IL1RL2: variants seen among roughly 807,000 people sequenced by gnomAD.
IL1RL2 encodes interleukin-1 receptor-like 2.
Under a neutral mutation model 66.8 loss-of-function variants are expected in IL1RL2, and 68 were observed. That is an observed-to-expected ratio of 1.02 (90% CI 0.84 to 1.25). IL1RL2 has a LOEUF of 1.25. IL1RL2 is among the 50% of genes most tolerant of loss of function. The pLI is 0.00. For synonymous variants in IL1RL2, 305 were observed against 264.6 expected (o/e 1.15, Z -1.48); for missense variants, 729 against 709.3 (o/e 1.03, Z -0.32).
intron 9 of IL1RL2, among the ~76,000 whole-genome samples, chr2:102,232,755 T>A (rs1346397206): frequency 6.6e-6 from 1 of 152,100 alleles, no homozygotes; most frequent in Non-Finnish European, 1.5e-5. Flanking sequence ...TCTTGAGCAT[T>A]GGGGATAAGA....
At chr2:102,210,477 A>G (rs1476574675) in intron 5 of IL1RL2, among the ~76,000 whole-genome samples, 1 of 152,238 alleles carries the variant, frequency 6.6e-6, no homozygotes. Context: ...AGAATGATCC[A>G]TTCCAGGGTG....
chr2:102,207,608 G>A (rs2310237), intron 5 of IL1RL2, among the ~76,000 whole-genome samples: 42,632 of 151,914 alleles, frequency 0.28, 6,613 homozygotes, highest in East Asian at 0.39. Context: ...TGGCATCCAA[G>A]ATGCAAGTGA....
At chr2:102,219,165 T>C (rs1475722798) in intron 7 of IL1RL2, 83 bp downstream of exon 7, 2 of 1,475,708 alleles carry the variant, frequency 1.4e-6, no homozygotes, top group Non-Finnish European at 1.9e-6. Flanking sequence ...TACTGCCTTC[T>C]CCTCTTGTTT....
chr2:102,195,629 C>CTG (rs1379287788), intron 4 of IL1RL2, among the ~76,000 whole-genome samples: 1 of 17,322 alleles, frequency 5.8e-5, no homozygotes, highest in African/African-American at 1.3e-4. Flanking sequence ...TTCTTTCTTT[C>CTG]TCTCTCTCTC....
chr2:102,188,136 A>T (rs114548997), intron 2 of IL1RL2, among the ~76,000 whole-genome samples: 2,335 of 152,338 alleles, frequency 0.015, 30 homozygotes, highest in East Asian at 0.061. Context: ...CTTGGAGGTG[A>T]CTTCGGGGAG....
In IL1RL2 at chr2:102,212,117, G is replaced by A. The variant is rs1689221715; in HGVS notation, c.667G>A (p.Gly223Arg). The change falls in exon 6 of 12, where the codon GGA becomes AGA. Residue 223 changes from glycine (G) to arginine (R), a missense_variant. Gly to Arg is a moderately radical substitution (Grantham distance 125). Transcript: ENST00000264257. ...TVSITERAGYGGSVPKIIYPK... is the reference protein window; with the variant it reads ...TVSITERAGYRGSVPKIIYPK... ...TTTCTTAGCAGAAAGAGCTGGATAT[G>A]GAGGAAGTGTCCCTAAAATCATTTA... is the stretch of plus-strand genomic sequence containing the variant. The A allele has an allele frequency of 1.9e-6, 3 of 1,612,864 alleles. No individual in the cohort carries two copies. The highest frequency in any genetic ancestry group is 1.3e-5 in the African/African-American group (1 of 74,872).
At chr2:102,226,457 G>A (rs1206914239) in intron 9 of IL1RL2, among the ~76,000 whole-genome samples, 1 of 152,218 alleles carries the variant, frequency 6.6e-6, no homozygotes, top group Non-Finnish European at 1.5e-5. Flanking sequence ...CCTGCGGTTG[G>A]AGCTCTCTCT....
At chr2:102,192,153 T>C in intron 4 of IL1RL2, 33 bp downstream of exon 4, 3 of 1,435,654 alleles carry the variant, frequency 2.1e-6, no homozygotes, top group Non-Finnish European at 2.8e-6. Flanking sequence ...ATATTTTTCC[T>C]CCTTTTCTTT....
intron 1 of IL1RL2, among the ~76,000 whole-genome samples, chr2:102,187,518 G>A (rs913668575): frequency 1.4e-4 from 22 of 152,172 alleles, no homozygotes; most frequent in Admixed American, 5.2e-4. Flanking sequence ...GGGCGCCCTG[G>A]CCCTCACGGG....
At chr2:102,188,725 G>T (rs1686953790) in intron 2 of IL1RL2, among the ~76,000 whole-genome samples, 1 of 151,892 alleles carries the variant, frequency 6.6e-6, no homozygotes, top group Non-Finnish European at 1.5e-5. Flanking sequence ...AGCAGAAACA[G>T]AAAAGACAAG....
intron 7 of IL1RL2, 51 bp downstream of exon 7, chr2:102,219,133 A>G: frequency 6.3e-7 from 1 of 1,597,990 alleles, no homozygotes. Context: ...GGATTTCTCC[A>G]TCTAAGTGAA....
chr2:102,187,974 C>A, intron 2 of IL1RL2, 49 bp downstream of exon 2: 2 of 1,569,546 alleles, frequency 1.3e-6, no homozygotes, highest in Non-Finnish European at 1.8e-6. Flanking sequence ...AGTCCACAGG[C>A]TCCTGGCCTG....
chr2:102,217,381 A>G (rs1689704950), intron 6 of IL1RL2, among the ~76,000 whole-genome samples: 1 of 152,168 alleles, frequency 6.6e-6, no homozygotes, highest in Non-Finnish European at 1.5e-5. Flanking sequence ...AATACCAATG[A>G]CATTATTTTG....
At chr2:102,242,030 A>T (rs72998585), downstream of IL1RL2, among the ~76,000 whole-genome samples, 23,820 of 152,196 alleles carry the variant, frequency 0.16, 1,950 homozygotes, top group African/African-American at 0.2. Context: ...TTCATTCATG[A>T]AAACATAGAG....
intron 5 of IL1RL2, 139 bp downstream of exon 5, chr2:102,201,854 G>A: frequency 5.6e-6 from 4 of 709,128 alleles, no homozygotes; most frequent in Non-Finnish European, 9.3e-6. Context: ...TCTCAGACCT[G>A]CCACTGTTAG....
At chr2:102,201,928 C>T (rs1688295116) in intron 5 of IL1RL2, among the ~76,000 whole-genome samples, 1 of 152,104 alleles carries the variant, frequency 6.6e-6, no homozygotes, top group African/African-American at 2.4e-5. Context: ...TTCTGAACAA[C>T]AGAACACTCA....
In IL1RL2 at chr2:102,201,604, C is replaced by G. The variant is rs1688261600; in HGVS notation, c.538C>G (p.Leu180Val). Residue 180 changes from leucine (L) to valine (V), a missense_variant, in exon 5 of 12, where the codon CTT (leucine) becomes GTT (valine). By Grantham distance (32) the Leu-to-Val change is conservative. Transcript: ENST00000264257. ...GCGGTTCACTGTTTTGGAAACCAGG[C>G]TTTTGGTGAGCAATGTCTCGGCAGA... ...GERFTVLETR[L>V]LVSNVSAEDR... 2 of 1,613,954 alleles carry G rather than the reference C, an allele frequency of 1.2e-6. No homozygotes were observed. Among genetic ancestry groups the G allele is most frequent in the South Asian group, 2.2e-5 (2 of 91,086 alleles).
chr2:102,219,762 G>A (rs1274094310), intron 7 of IL1RL2, 119 bp from the exon 8 acceptor site: 7 of 956,982 alleles, frequency 7.3e-6, no homozygotes. Flanking sequence ...AGTATTTTTA[G>A]GATAACATGA....
At chr2:102,232,023 C>CT (rs1044883161) in intron 9 of IL1RL2, among the ~76,000 whole-genome samples, 19 of 151,820 alleles carry the variant, frequency 1.3e-4, no homozygotes, top group Middle Eastern at 6.8e-3. Context: ...TTTAGAGATC[C>CT]TTTTTTTGTT....
Sources: gnomAD v4.1 joint callset for allele counts (sites outside exome capture counted in the v4.1 genomes callset) on GRCh38, gnomAD v4.1.1 for gene constraint, MANE v1.5 for transcripts, NCBI Gene and HGNC (gene_info 2026-07-23, HGNC 2026-07-21) for gene names.